RGS3: variants seen among roughly 807,000 people sequenced by gnomAD.
The protein encoded by RGS3 is regulator of G protein signaling 3.
In RGS3, 80 loss-of-function variants were observed where a neutral mutation model predicts 132.6. The ratio of observed to expected loss-of-function variants is 0.60; its 90% CI spans 0.50 to 0.73. The LOEUF (loss-of-function observed/expected upper bound fraction) is 0.73. Among genes scored for constraint, RGS3 ranks in the 30% least tolerant of loss-of-function variants. The probability of loss-of-function intolerance (pLI) is 0.00; values close to 1 mark genes in which losing one functional copy is unlikely to be tolerated. For synonymous variants in RGS3, 598 were observed against 620.6 expected (o/e 0.96, Z 0.54); for missense variants, 1,382 against 1,530.8 (o/e 0.90, Z 1.62).
At chr9:113,445,387 CG>C (rs1179321095) in intron 1 of RGS3, among the ~76,000 whole-genome samples, 15 of 151,838 alleles carry the variant, frequency 9.9e-5, no homozygotes, top group Non-Finnish European at 1.0e-4. Flanking sequence ...TTAGTAGAGA[CG>C]GGGTTTCTCC....
chr9:113,484,887 A>G (rs901577622), intron 6 of RGS3, among the ~76,000 whole-genome samples: 1 of 152,192 alleles, frequency 6.6e-6, no homozygotes, highest in Non-Finnish European at 1.5e-5. Flanking sequence ...TGATAGGAAA[A>G]TAGAAAATAT....
intron 14 of RGS3, among the ~76,000 whole-genome samples, chr9:113,509,483 T>G (rs1831306689): frequency 6.6e-6 from 1 of 152,062 alleles, no homozygotes; most frequent in African/African-American, 2.4e-5. Context: ...CTGGATGGAT[T>G]CTTCTTCTTT....
chr9:113,552,810 TAGAA>T lies in RGS3; in HGVS notation c.2037+15897_2037+15900del, dbSNP rs1833392837. On this transcript the variant is annotated intron_variant, in intron 19 of 24. Transcript: ENST00000350696. ...CAAATTTTAAGATTTCCCAAAGTTT[TAGAA>T]AGAATTTCATATAGGTCTTGCACAT... Among the ~76,000 whole-genome samples the T allele has an allele frequency of 2.0e-5, 3 of 152,336 alleles. No individual in the cohort carries two copies. The South Asian group carries it at 6.2e-4, about 32-fold the overall frequency.
intron 15 of RGS3, among the ~76,000 whole-genome samples, chr9:113,516,923 A>G (rs1324145495): frequency 6.6e-6 from 1 of 151,828 alleles, no homozygotes; most frequent in Non-Finnish European, 1.5e-5. Flanking sequence ...AGAAATATAC[A>G]GTCATAAGGA....
At position 113,510,412 on chromosome 9, in the gene RGS3, G is replaced by A. The variant is rs373039667; in HGVS notation, c.1477+1832G>A. On this transcript the variant is annotated intron_variant, in intron 14 of 24. Transcript: ENST00000350696. ...GCCTGGGCCTGGCTTATTTCTGTAGGTCCAGTGCAGGACCCAGGGCCTGGC... is the reference window on the plus strand; with the variant it reads ...GCCTGGGCCTGGCTTATTTCTGTAGATCCAGTGCAGGACCCAGGGCCTGGC... 1.1e-4 allele frequency among the ~76,000 whole-genome samples: 17 copies of A among 152,352 alleles called. No individual in the cohort carries two copies. In the South Asian group the frequency reaches 1.2e-3, roughly 11 times the overall value.
At chr9:113,510,895 T>G (rs1831373708) in intron 14 of RGS3, among the ~76,000 whole-genome samples, 1 of 152,130 alleles carries the variant, frequency 6.6e-6, no homozygotes, top group South Asian at 2.1e-4. Context: ...GAGGAAAGGG[T>G]GAAATTCAGG....
chr9:113,492,866 A>G (rs1258106765), intron 7 of RGS3, among the ~76,000 whole-genome samples: 3 of 152,244 alleles, frequency 2.0e-5, no homozygotes, highest in Non-Finnish European at 4.4e-5. Context: ...CCATGAAAGC[A>G]TGGGAGGCCC....
At chr9:113,447,531 T>G (rs1829140803) in intron 1 of RGS3, among the ~76,000 whole-genome samples, 1 of 151,134 alleles carries the variant, frequency 6.6e-6, no homozygotes, top group South Asian at 2.1e-4. Flanking sequence ...GGCTTTGCCT[T>G]AGAAGGAATC....
In RGS3 at chr9:113,542,783, A is replaced by G. The variant is rs532115286; in HGVS notation, c.2037+5865A>G. Among the ~76,000 whole-genome samples the G allele has an allele frequency of 1.3e-3, 198 of 152,310 alleles. 1 individual carries two copies. Among genetic ancestry groups the G allele is most frequent in the African/African-American group, 4.6e-3 (192 of 41,566 alleles). ...AGTTCACTGCTGCCCAGGCCTTAGCAGGGGCTGCTGTGCTGTCTTTCTGTC... is the reference window on the plus strand; with the variant it reads ...AGTTCACTGCTGCCCAGGCCTTAGCGGGGGCTGCTGTGCTGTCTTTCTGTC... On this transcript the variant is annotated intron_variant, in intron 19 of 24. Transcript: ENST00000350696.
intron 19 of RGS3, among the ~76,000 whole-genome samples, chr9:113,576,430 C>A (rs1834527671): frequency 6.6e-6 from 1 of 150,562 alleles, no homozygotes; most frequent in Admixed American, 6.6e-5. Flanking sequence ...CTCTGGGGTT[C>A]AAGCCATTCT....
intron 20 of RGS3, among the ~76,000 whole-genome samples, chr9:113,585,772 G>T (rs577016311): frequency 2.6e-5 from 4 of 152,320 alleles, no homozygotes; most frequent in Admixed American, 2.6e-4. Context: ...TCCTCACCAA[G>T]TTGGGACATG....
At chr9:113,479,621 G>T (rs538247470) in intron 4 of RGS3, 80 bp downstream of exon 2, 338 of 1,305,942 alleles carry the variant, frequency 2.6e-4, no homozygotes, top group Non-Finnish European at 3.0e-4. Context: ...TTGGGGGATG[G>T]TGGCACCATG....
intron 6 of RGS3, among the ~76,000 whole-genome samples, chr9:113,484,494 G>T (rs1830268648): frequency 6.6e-6 from 1 of 152,190 alleles, no homozygotes; most frequent in Admixed American, 6.5e-5. Context: ...AAAATGCCCA[G>T]CCTGGGGCTG....
intron 1 of RGS3, among the ~76,000 whole-genome samples, chr9:113,451,484 A>G (rs1829244650): frequency 6.6e-6 from 1 of 152,224 alleles, no homozygotes; most frequent in African/African-American, 2.4e-5. Flanking sequence ...ACCTGAGTGC[A>G]ATCCAGCTGA....
rs755264439 is a variant in RGS3 at position 113,484,246 on chromosome 9, G to A, written c.620+14G>A. The A allele has an allele frequency of 2.0e-6, 3 of 1,502,042 alleles. No individual in the cohort carries two copies. Among genetic ancestry groups the A allele is most frequent in the Non-Finnish European group, 2.8e-6 (3 of 1,089,670 alleles). The allele number at this position is 1,502,042 out of a possible 1,614,324, so 93.0% of individuals were successfully genotyped here. ...GCACTTCTTCTTGTAAGAGTCTGGT[G>A]CAGCTGGGCCCTAGAAAGGAGAGGG... is the stretch of plus-strand genomic sequence containing the variant. On this transcript the variant is annotated intron_variant, in intron 6 of 24. Transcript: ENST00000350696.
intron 19 of RGS3, among the ~76,000 whole-genome samples, chr9:113,572,007 A>G (rs72763826): frequency 0.12 from 18,021 of 152,100 alleles, 1,277 homozygotes; most frequent in African/African-American, 0.19. Flanking sequence ...TGGGTGGGTC[A>G]CTTGAATTTT....
At chr9:113,449,070 A>G (rs113696997) in intron 1 of RGS3, among the ~76,000 whole-genome samples, 6,242 of 152,266 alleles carry the variant, frequency 0.041, 166 homozygotes, top group South Asian at 0.1. Context: ...AGCCAATGGG[A>G]AGACATTGAT....
At chr9:113,515,224 G>T (rs1366985091) in intron 15 of RGS3, among the ~76,000 whole-genome samples, 4 of 152,090 alleles carry the variant, frequency 2.6e-5, no homozygotes, top group Non-Finnish European at 5.9e-5. Context: ...GAGATGGAAG[G>T]ATCGTTTGAG....
chr9:113,456,113 G>A (rs1250400133), upstream of RGS3, among the ~76,000 whole-genome samples: 1 of 152,120 alleles, frequency 6.6e-6, no homozygotes, highest in Non-Finnish European at 1.5e-5. Context: ...TACATCCCCT[G>A]ACTTTTCCTT....
Sources: gnomAD v4.1 joint callset for allele counts (sites outside exome capture counted in the v4.1 genomes callset) on GRCh38, gnomAD v4.1.1 for gene constraint, MANE v1.5 for transcripts, NCBI Gene and HGNC (gene_info 2026-07-23, HGNC 2026-07-21) for gene names.